ADAM12: variants seen among roughly 807,000 people sequenced by gnomAD.
The protein encoded by ADAM12 is disintegrin and metalloproteinase domain-containing protein 12.
A neutral mutation model predicts 106.4 loss-of-function variants in ADAM12; 70 were observed. The observed-to-expected ratio is 0.66, with a 90% CI of 0.54 to 0.80. The LOEUF (loss-of-function observed/expected upper bound fraction) is 0.80, where lower values mean the gene tolerates loss of function less well. ADAM12 is among the 30% of genes least tolerant of loss of function. ADAM12 has a pLI of 0.00. For synonymous variants in ADAM12, 420 were observed against 433.5 expected (o/e 0.97, Z 0.39); for missense variants, 1,010 against 1,171.9 (o/e 0.86, Z 2.02).
At chr10:126,166,494 T>TTTTG (rs1554980119) in intron 3 of ADAM12, among the ~76,000 whole-genome samples, 1 of 151,206 alleles carries the variant, frequency 6.6e-6, no homozygotes, top group African/African-American at 2.4e-5. Flanking sequence ...CAGGTTTCTT[T>TTTTG]TTTTTTGTTT....
intron 4 of ADAM12, among the ~76,000 whole-genome samples, chr10:126,141,387 C>T (rs1412293714): frequency 1.3e-5 from 2 of 152,206 alleles, no homozygotes; most frequent in South Asian, 2.1e-4. Context: ...TCTGCTGATC[C>T]AAGACATTCT....
At chr10:126,335,580 T>C (rs375276997) in intron 1 of ADAM12, among the ~76,000 whole-genome samples, 2 of 152,178 alleles carry the variant, frequency 1.3e-5, no homozygotes, top group African/African-American at 4.8e-5. Flanking sequence ...AAGATTTCCT[T>C]TCAGATTCAC....
At chr10:126,181,478 T>C (rs1442983978) in intron 3 of ADAM12, among the ~76,000 whole-genome samples, 1 of 152,240 alleles carries the variant, frequency 6.6e-6, no homozygotes, top group Non-Finnish European at 1.5e-5. Context: ...TACCATGTCC[T>C]ACTCAATTTG....
At chr10:126,102,593 G>A (rs1334335043) in intron 8 of ADAM12, among the ~76,000 whole-genome samples, 1 of 152,228 alleles carries the variant, frequency 6.6e-6, no homozygotes, top group Admixed American at 6.5e-5. Context: ...GGTGAGCATT[G>A]GGTTAGCAGG....
intron 3 of ADAM12, among the ~76,000 whole-genome samples, chr10:126,186,222 T>C (rs1957396971): frequency 6.6e-6 from 1 of 152,186 alleles, no homozygotes; most frequent in Admixed American, 6.5e-5. Context: ...TACCATGTTG[T>C]AATCCCCGCG....
intron 2 of ADAM12, among the ~76,000 whole-genome samples, chr10:126,284,053 C>T (rs944721140): frequency 1.3e-5 from 2 of 152,154 alleles, no homozygotes; most frequent in African/African-American, 4.8e-5. Context: ...TCCTTCCTGG[C>T]TGGGCACAGT....
At position 126,039,289 on chromosome 10, in the gene ADAM12, G is replaced by C. The variant is rs760815548; in HGVS notation, c.2240+5C>G. ...AGAACAGATGACAAGCTAAACCCAGGGTACCTTAGTTTTTCAATGGTGGTC... is the reference window on the plus strand; with the variant it reads ...AGAACAGATGACAAGCTAAACCCAGCGTACCTTAGTTTTTCAATGGTGGTC... On this transcript the variant is annotated splice_donor_5th_base_variant and intron_variant, in intron 19 of 22. Transcript: ENST00000448723. The C allele has an allele frequency of 9.3e-6, 15 of 1,613,388 alleles. No homozygotes were observed. In the Admixed American group the frequency reaches 2.5e-4, roughly 27 times the overall value.
intron 1 of ADAM12, among the ~76,000 whole-genome samples, chr10:126,366,685 A>G (rs1342183452): frequency 6.6e-6 from 1 of 152,130 alleles, no homozygotes; most frequent in Non-Finnish European, 1.5e-5. Context: ...ATGCACTTTG[A>G]GCATAAATAT....
chr10:126,090,141 C>T (rs747018392), intron 11 of ADAM12, among the ~76,000 whole-genome samples: 2 of 151,872 alleles, frequency 1.3e-5, no homozygotes, highest in Non-Finnish European at 2.9e-5. Context: ...ACCACTAGAA[C>T]ACCAGTTCCA....
intron 3 of ADAM12, among the ~76,000 whole-genome samples, chr10:126,199,055 G>C (rs1465928192): frequency 6.6e-6 from 1 of 152,086 alleles, no homozygotes; most frequent in African/African-American, 2.4e-5. Context: ...GGTGAGCTTT[G>C]TGCTTTTGGG....
chr10:126,064,793 G>A lies in ADAM12; in HGVS notation c.1609+13C>T, dbSNP rs1287753966. On this transcript the variant is annotated intron_variant, in intron 14 of 22. Transcript: ENST00000448723. The surrounding 1 kb of genome is among the most constrained non-coding windows in gnomAD (Gnocchi z 4.4). ...GTGCCTCTCCTGATGCCGAGCTTGTGGCGGCCACGTACCTGGTCCCCAGAG... is the reference window on the plus strand; with the variant it reads ...GTGCCTCTCCTGATGCCGAGCTTGTAGCGGCCACGTACCTGGTCCCCAGAG... The A allele has an allele frequency of 5.0e-6, 8 of 1,591,760 alleles. No homozygotes were observed. Among genetic ancestry groups the A allele is most frequent in the Non-Finnish European group, 6.8e-6 (8 of 1,169,664 alleles).
Position 126,387,834 on chromosome 10 carries a change from C to A in ADAM12, c.88+224G>T, listed in dbSNP as rs1054552611. On this transcript the variant is annotated intron_variant, in intron 1 of 22. Transcript: ENST00000448723. Reference sequence around the variant, plus strand: ...GAGGCTGTGCCCTCCGGGGCAGGTACTGGCTCCTGTGGGGCTGCGGGCCAA... The same window carrying A: ...GAGGCTGTGCCCTCCGGGGCAGGTAATGGCTCCTGTGGGGCTGCGGGCCAA... 7.0e-4 allele frequency among the ~76,000 whole-genome samples: 105 copies of A among 149,350 alleles called. No homozygotes were observed. In the Middle Eastern group the frequency reaches 0.014, roughly 20 times the overall value.
At chr10:126,282,340 C>T (rs1286418872) in intron 2 of ADAM12, among the ~76,000 whole-genome samples, 2 of 152,126 alleles carry the variant, frequency 1.3e-5, no homozygotes, top group Non-Finnish European at 1.5e-5. Flanking sequence ...GATGTCAATA[C>T]AGGAATTTGC....
chr10:126,277,342 A>C (rs965214248), intron 3 of ADAM12, among the ~76,000 whole-genome samples: 19 of 152,146 alleles, frequency 1.2e-4, no homozygotes, highest in African/African-American at 4.6e-4. Flanking sequence ...AACATTCAGG[A>C]TTAGCCTCCC....
chr10:126,121,131 CTATATACTATATATACTATATATACTA>C (rs372964268), intron 5 of ADAM12, among the ~76,000 whole-genome samples: 2 of 81,384 alleles, frequency 2.5e-5, no homozygotes, highest in East Asian at 4.0e-4. Context: ...AGTATATATA[CTATATACTATATATACTATATATACTA>C]TATATACTAT....
At chr10:126,332,624 T>C (rs1341669279) in intron 1 of ADAM12, among the ~76,000 whole-genome samples, 2 of 152,166 alleles carry the variant, frequency 1.3e-5, no homozygotes, top group African/African-American at 4.8e-5. Flanking sequence ...TTGTTGGGGA[T>C]GGTGAGCTTA....
intron 11 of ADAM12, among the ~76,000 whole-genome samples, chr10:126,093,311 G>A (rs776017174): frequency 6.6e-6 from 1 of 152,130 alleles, no homozygotes; most frequent in Non-Finnish European, 1.5e-5. Context: ...TTTCCACTTC[G>A]TTTGAACACT....
At chr10:126,039,239 A>G (rs1278256) in intron 19 of ADAM12, 55 bp downstream of exon 19, 450,492 of 1,598,662 alleles carry the variant, frequency 0.28, 65,404 homozygotes, top group East Asian at 0.41. Flanking sequence ...GAGCCACCGC[A>G]CCCAGCCTCT....
intron 1 of ADAM12, among the ~76,000 whole-genome samples, chr10:126,368,323 T>C (rs974765106): frequency 1.3e-5 from 2 of 151,244 alleles, no homozygotes; most frequent in Admixed American, 1.3e-4. Context: ...CTTAATTCAC[T>C]GTTTTATGAT....
Sources: gnomAD v4.1 joint callset for allele counts (sites outside exome capture counted in the v4.1 genomes callset) on GRCh38, gnomAD v4.1.1 for gene constraint, Gnocchi (gnomAD v3.1) non-coding constraint, MANE v1.5 for transcripts, NCBI Gene and HGNC (gene_info 2026-07-23, HGNC 2026-07-21) for gene names.